Variants in GRM7 observed in about 807,000 individuals in gnomAD.
The protein encoded by GRM7 is glutamate metabotropic receptor 7.
GRM7 carries 35 observed loss-of-function variants against 84.5 expected under a neutral mutation model. The ratio of observed to expected loss-of-function variants is 0.41; its 90% CI spans 0.32 to 0.55. The LOEUF (loss-of-function observed/expected upper bound fraction) is 0.55, where lower values mean the gene tolerates loss of function less well. Among genes scored for constraint, GRM7 ranks in the 20% least tolerant of loss-of-function variants. The probability of loss-of-function intolerance (pLI) is 0.19; values close to 1 mark genes in which losing one functional copy is unlikely to be tolerated. For synonymous variants in GRM7, 487 were observed against 455.1 expected (o/e 1.07, Z -0.89); for missense variants, 1,003 against 1,194.6 (o/e 0.84, Z 2.36).
chr3:7,143,870 G>T (rs942669935), intron 1 of GRM7, among the ~76,000 whole-genome samples: 13 of 152,046 alleles, frequency 8.6e-5, no homozygotes, highest in African/African-American at 2.4e-4. Context: ...TTTCTTGTGA[G>T]GGAAAGCCTC....
At chr3:6,910,239 C>A (rs1575002713) in intron 1 of GRM7, among the ~76,000 whole-genome samples, 1 of 152,058 alleles carries the variant, frequency 6.6e-6, no homozygotes, top group Non-Finnish European at 1.5e-5. Context: ...ACCAGTGTGC[C>A]AATGTAGCAA....
intron 1 of GRM7, among the ~76,000 whole-genome samples, chr3:7,133,916 C>T (rs1053165454): frequency 6.6e-6 from 1 of 152,118 alleles, no homozygotes; most frequent in Non-Finnish European, 1.5e-5. Flanking sequence ...GAAAGGCCTT[C>T]ATTGTATTAT....
At chr3:7,001,452 A>G (rs1178732231) in intron 1 of GRM7, among the ~76,000 whole-genome samples, 1 of 152,232 alleles carries the variant, frequency 6.6e-6, no homozygotes, top group Non-Finnish European at 1.5e-5. Flanking sequence ...TGGGTAATGT[A>G]TAGATGAGCT....
chr3:7,516,344 G>A (rs1700382060), intron 7 of GRM7, among the ~76,000 whole-genome samples: 1 of 149,344 alleles, frequency 6.7e-6, no homozygotes. Context: ...AGGCGTGGTG[G>A]TGTGCGCCTG....
chr3:7,619,368 C>G (rs1345701983), intron 8 of GRM7, among the ~76,000 whole-genome samples: 1 of 151,780 alleles, frequency 6.6e-6, no homozygotes, highest in Non-Finnish European at 1.5e-5. Context: ...GGCTGCAAGT[C>G]AGACTGTGTA....
chr3:7,010,190 C>T (rs2124892680), intron 1 of GRM7, among the ~76,000 whole-genome samples: 1 of 152,278 alleles, frequency 6.6e-6, no homozygotes, highest in East Asian at 1.9e-4. Flanking sequence ...GTGCCTTACG[C>T]CTGTAATCCT....
chr3:7,586,186 A>C (rs1490270021), intron 8 of GRM7, among the ~76,000 whole-genome samples: 1 of 152,206 alleles, frequency 6.6e-6, no homozygotes, highest in Non-Finnish European at 1.5e-5. Context: ...CAAGATGCTA[A>C]TGAGGATAAA....
intron 1 of GRM7, among the ~76,000 whole-genome samples, chr3:7,109,445 C>A (rs1026310860): frequency 3.3e-5 from 5 of 152,118 alleles, no homozygotes; most frequent in Non-Finnish European, 5.9e-5. Context: ...CCATTGTCCA[C>A]GGTATGGGTT....
At chr3:7,099,930 A>G (rs1374350789) in intron 1 of GRM7, among the ~76,000 whole-genome samples, 1 of 147,434 alleles carries the variant, frequency 6.8e-6, no homozygotes, top group Non-Finnish European at 1.5e-5. Flanking sequence ...TATATTATAT[A>G]TATTATGATA....
At chr3:7,212,997 C>G (rs182391703) in intron 2 of GRM7, among the ~76,000 whole-genome samples, 1 of 152,252 alleles carries the variant, frequency 6.6e-6, no homozygotes, top group East Asian at 1.9e-4. Context: ...TCTTGTAAAA[C>G]TTGGTTCGAA....
At position 7,452,647 on chromosome 3, in the gene GRM7, G is replaced by A. The variant is rs775493357; in HGVS notation, c.1215G>A (p.Glu405=). 6.2e-7 allele frequency: 1 copy of A among 1,613,420 alleles called. No individual in the cohort carries two copies. Among genetic ancestry groups the A allele is most frequent in the Non-Finnish European group, 8.5e-7 (1 of 1,179,462 alleles). The change falls in exon 6 of 10, where the codon GAG becomes GAA. Residue 405 remains glutamate, a synonymous_variant. Transcript: ENST00000357716. ...RIGKDSNYEQ[E]GKVQFVIDAV... is the part of the protein sequence containing the mutation. ...GAAAAGATTCCAACTATGAGCAGGAGGGTAAAGTCCAGTTCGTGATTGACG... is the reference window on the plus strand; with the variant it reads ...GAAAAGATTCCAACTATGAGCAGGAAGGTAAAGTCCAGTTCGTGATTGACG...
intron 2 of GRM7, among the ~76,000 whole-genome samples, chr3:7,297,208 A>G (rs1220602289): frequency 1.3e-5 from 2 of 152,150 alleles, no homozygotes; most frequent in Non-Finnish European, 2.9e-5. Context: ...ATTTATATTT[A>G]GCTCAAAATA....
chr3:7,376,492 A>G (rs1020302081), intron 4 of GRM7, among the ~76,000 whole-genome samples: 1 of 152,338 alleles, frequency 6.6e-6, no homozygotes, highest in Admixed American at 6.5e-5. Flanking sequence ...ACCACAAAAT[A>G]TAAGTCTTCC....
At chr3:7,187,715 A>G (rs1450090744) in intron 2 of GRM7, among the ~76,000 whole-genome samples, 6 of 152,126 alleles carry the variant, frequency 3.9e-5, no homozygotes, top group African/African-American at 1.4e-4. Context: ...ATTTCTAGGG[A>G]AGGATTAGTA....
intron 8 of GRM7, among the ~76,000 whole-genome samples, chr3:7,583,850 G>A (rs185257180): frequency 1.8e-4 from 27 of 152,190 alleles, no homozygotes; most frequent in Admixed American, 2.6e-4. Flanking sequence ...TACAATGCGT[G>A]TACTGTGCCC....
intron 1 of GRM7, among the ~76,000 whole-genome samples, chr3:7,026,991 T>C (rs897820161): frequency 6.6e-6 from 1 of 152,236 alleles, no homozygotes; most frequent in Non-Finnish European, 1.5e-5. Context: ...TTGCTTTGGC[T>C]CATGCCATCC....
intron 4 of GRM7, among the ~76,000 whole-genome samples, chr3:7,345,231 A>G (rs2125084433): frequency 6.6e-6 from 1 of 151,928 alleles, no homozygotes; most frequent in East Asian, 1.9e-4. Flanking sequence ...TTATAAAATA[A>G]TGTTAATGAT....
intron 9 of GRM7, among the ~76,000 whole-genome samples, chr3:7,705,345 A>G (rs1381228085): frequency 1.3e-5 from 2 of 152,160 alleles, no homozygotes; most frequent in African/African-American, 4.8e-5. Flanking sequence ...ATCCTACCCC[A>G]CAATCATTAT....
chr3:7,528,305 G>A (rs983399818), intron 7 of GRM7, among the ~76,000 whole-genome samples: 6 of 151,936 alleles, frequency 3.9e-5, no homozygotes, highest in Admixed American at 3.3e-4. Context: ...TCTTGTTTGT[G>A]TTTATAAAGG....
Sources: gnomAD v4.1 joint callset for allele counts (sites outside exome capture counted in the v4.1 genomes callset) on GRCh38, gnomAD v4.1.1 for gene constraint, MANE v1.5 for transcripts, NCBI Gene and HGNC (gene_info 2026-07-23, HGNC 2026-07-21) for gene names.